Variants in PSAPL1 observed in about 807,000 individuals in gnomAD.
PSAPL1 encodes the protein proactivator polypeptide-like 1.
For synonymous variants in PSAPL1, 351 were observed against 291.6 expected (o/e 1.20, Z -2.08); for missense variants, 814 against 688.8 (o/e 1.18, Z -2.03).
rs1726939981 is a variant in PSAPL1 at position 7,432,505 on chromosome 4, T to A, written c.*809A>T. On this transcript the variant is annotated 3_prime_UTR_variant, in exon 1 of 1. Transcript: ENST00000319098. The stretch of plus-strand genomic sequence containing the variant: ...AGGGCTGTGTTCACCGTCTTTGCCC[T>A]CGCTGCTCCACATCCCGGTGGCCAC... 6.6e-6 allele frequency: 1 copy of A among 152,156 alleles called. No homozygotes were observed. Among genetic ancestry groups the A allele is most frequent in the Non-Finnish European group, 1.5e-5 (1 of 68,044 alleles). 9.4% of individuals were successfully genotyped at this position (152,156 alleles called of 1,614,324 possible).
In PSAPL1 at chr4:7,434,237, A is replaced by G. The variant is rs748861306; in HGVS notation, c.643T>C (p.Ser215Pro). Reference protein sequence around the residue: ...ADLNIQEQCESLGPGLAVLCK... With the variant: ...ADLNIQEQCEPLGPGLAVLCK... Reference sequence around the variant, plus strand: ...AGGACGGCCAGGCCAGGCCCCAAGGACTCACACTGCTCCTGGATGTTCAAG... The same window carrying G: ...AGGACGGCCAGGCCAGGCCCCAAGGGCTCACACTGCTCCTGGATGTTCAAG... The change falls in exon 1 of 1, where the codon TCC (serine) becomes CCC (proline). Residue 215 changes from serine to proline, a missense_variant. By Grantham distance (74) the Ser-to-Pro change is moderately conservative. Transcript: ENST00000319098. 3.8e-5 allele frequency: 61 copies of G among 1,613,418 alleles called. No individual in the cohort carries two copies. Among genetic ancestry groups the G allele is most frequent in the Non-Finnish European group, 4.7e-5 (56 of 1,179,898 alleles).
rs1173458447 is a variant in PSAPL1, at chr4:7,432,693, G to C, written c.*621C>G. The C allele has an allele frequency of 6.6e-6, 1 of 152,212 alleles. No homozygotes were observed. Among genetic ancestry groups the C allele is most frequent in the Non-Finnish European group, 1.5e-5 (1 of 68,180 alleles). 9.4% of individuals were successfully genotyped at this position (152,212 alleles called of 1,614,324 possible). The stretch of plus-strand genomic sequence containing the variant: ...CTGTAGTGGCTGAGACATGGGGGGG[G>C]ACTGCTCCGAAGCCCAGCAGCCCTT... On this transcript the variant is annotated 3_prime_UTR_variant, in exon 1 of 1. Transcript: ENST00000319098.
rs765798690 is a variant in PSAPL1, at chr4:7,433,815, G to T, written c.1065C>A (p.Thr355=). The T allele has an allele frequency of 6.2e-7, 1 of 1,613,778 alleles. No individual in the cohort carries two copies. The highest frequency in any genetic ancestry group is 8.5e-7 in the Non-Finnish European group (1 of 1,179,890). ...PSLVQLVAKI[T]PEKVCKFIRL... ...GGATGAACTTGCACACCTTCTCTGG[G>T]GTGATTTTGGCCACAAGCTGCACCA... The change falls in exon 1 of 1, where the codon ACC becomes ACA. Residue 355 remains threonine, a synonymous_variant. Coordinates refer to ENST00000319098, the MANE Select transcript of PSAPL1 (RefSeq NM_001085382.2).
rs747716104 is a variant in PSAPL1 at position 7,433,630 on chromosome 4, C to A, written c.1250G>T (p.Arg417Leu). 3 of 1,610,800 alleles carry A rather than the reference C, an allele frequency of 1.9e-6. 1 individual carries two copies. Among genetic ancestry groups the A allele is most frequent in the South Asian group, 2.2e-5 (2 of 90,578 alleles). The change falls in exon 1 of 1, where the codon CGA becomes CTA. Residue 417 changes from arginine (R) to leucine (L), a missense_variant. Coordinates refer to ENST00000319098, the MANE Select transcript of PSAPL1 (RefSeq NM_001085382.2). Reference protein sequence around the residue: ...SHNLESKSTKRDILVAFKGGC... With the variant: ...SHNLESKSTKLDILVAFKGGC... ...ACCCTTGAAGGCCACCAGGATGTCT[C>A]GCTTGGTGCTCTTGCTCTCCAAGTT...
Position 7,431,180 on chromosome 4 carries a change from G to A in PSAPL1, c.*2134C>T, listed in dbSNP as rs1389062036. On this transcript the variant is annotated 3_prime_UTR_variant, in exon 1 of 1. Coordinates refer to ENST00000319098, the MANE Select transcript of PSAPL1 (RefSeq NM_001085382.2). Reference sequence around the variant, plus strand: ...TGTGGGGTCATGGCCAGTGAGCTCCGTTCATCACGGGCAACCATCTAGTGG... The same window carrying A: ...TGTGGGGTCATGGCCAGTGAGCTCCATTCATCACGGGCAACCATCTAGTGG... 3.3e-5 allele frequency: 5 copies of A among 152,484 alleles called. No homozygotes were observed. The highest frequency in any genetic ancestry group is 9.7e-5 in the African/African-American group (4 of 41,450). The allele number at this position is 152,484 out of a possible 1,614,324, so 9.4% of individuals were successfully genotyped here.
chr4:7,434,397 A>G lies in PSAPL1; in HGVS notation c.483T>C (p.Ala161=). ...GCCCATTGGCCATGAACGGAGCCAC[A>G]GCCTCAAAGGTGTCCTCTTTGGAGA... The part of the protein sequence containing the change: ...RPLSKEDTFE[A]VAPFMANGPL... The change falls in exon 1 of 1, where the codon GCT becomes GCC. Residue 161 remains alanine, a synonymous_variant. Transcript: ENST00000319098. The G allele has an allele frequency of 6.2e-7, 1 of 1,607,668 alleles. No individual in the cohort carries two copies. The highest frequency in any genetic ancestry group is 8.5e-7 in the Non-Finnish European group (1 of 1,177,672).
At position 7,433,831 on chromosome 4, in the gene PSAPL1, A is replaced by G; in HGVS notation, c.1049T>C (p.Leu350Pro). Reference protein sequence around the residue: ...VDTYSPSLVQLVAKITPEKVC... With the variant: ...VDTYSPSLVQPVAKITPEKVC... ...CTTCTCTGGGGTGATTTTGGCCACA[A>G]GCTGCACCAAGGAGGGGCTGTAGGT... The change falls in exon 1 of 1, where the codon CTT becomes CCT. Residue 350 changes from leucine (L) to proline (P), a missense_variant. Transcript: ENST00000319098. 2 of 1,613,854 alleles carry G rather than the reference A, an allele frequency of 1.2e-6. No individual in the cohort carries two copies. Among genetic ancestry groups the G allele is most frequent in the Non-Finnish European group, 8.5e-7 (1 of 1,179,886 alleles).
the PSAPL1 span, chr4:7,434,069 CGT>C: frequency 6.2e-7 from 1 of 1,610,984 alleles, no homozygotes; most frequent in Non-Finnish European, 8.5e-7. Context: ...GAGGGGACCC[CGT>C]CCATGGCCAC....
rs1726766410 is a variant in PSAPL1 at position 7,430,508 on chromosome 4, G to A, written c.*2806C>T. On this transcript the variant is annotated 3_prime_UTR_variant, in exon 1 of 1. Coordinates refer to ENST00000319098, the MANE Select transcript of PSAPL1 (RefSeq NM_001085382.2). ...GGGGCAGCATCCATAGGTGTTCTGGGACGTCCCAGGCCTCCGCCTTACGAT... is the reference window on the plus strand; with the variant it reads ...GGGGCAGCATCCATAGGTGTTCTGGAACGTCCCAGGCCTCCGCCTTACGAT... 1 of 152,260 alleles carries A rather than the reference G, an allele frequency of 6.6e-6. No individual in the cohort carries two copies. The highest frequency in any genetic ancestry group is 6.5e-5 in the Admixed American group (1 of 15,288). The allele number at this position is 152,260 out of a possible 1,614,324, so 9.4% of individuals were successfully genotyped here. A position where few individuals can be genotyped will look rare whatever the true frequency, so the allele number is the denominator to read the frequency against.
In PSAPL1 at chr4:7,431,585, G is replaced by A. The variant is rs1482355406; in HGVS notation, c.*1729C>T. The A allele has an allele frequency of 1.3e-5, 2 of 152,238 alleles. No individual in the cohort carries two copies. Among genetic ancestry groups the A allele is most frequent in the African/African-American group, 2.4e-5 (1 of 41,472 alleles). The allele number at this position is 152,238 out of a possible 1,614,324, so 9.4% of individuals were successfully genotyped here. The stretch of plus-strand genomic sequence containing the variant: ...GAGGGTGGGTGGTCTCAGGGGAAGA[G>A]GCAGATACTGAGGCCAACAACTTCG... On this transcript the variant is annotated 3_prime_UTR_variant, in exon 1 of 1. Transcript: ENST00000319098.
rs1465918907 is a variant in PSAPL1 at position 7,434,374 on chromosome 4, C to G, written c.506G>C (p.Gly169Ala). Residue 169 changes from glycine (G) to alanine (A), a missense_variant, in exon 1 of 1, where the codon GGG becomes GCG. Coordinates refer to ENST00000319098, the MANE Select transcript of PSAPL1 (RefSeq NM_001085382.2). ...CTGGCGGGGGTGGAAGGTAAGGGGCCCATTGGCCATGAACGGAGCCACAGC... is the reference window on the plus strand; with the variant it reads ...CTGGCGGGGGTGGAAGGTAAGGGGCGCATTGGCCATGAACGGAGCCACAGC... The part of the protein sequence containing the change: ...FEAVAPFMAN[G>A]PLTFHPRQAP... 26 of 1,607,510 alleles carry G rather than the reference C, an allele frequency of 1.6e-5. No individual in the cohort carries two copies. The highest frequency in any genetic ancestry group is 2.2e-5 in the South Asian group (2 of 90,072).
At position 7,434,909 on chromosome 4, in the gene PSAPL1, A is replaced by G; in HGVS notation, c.-30T>C. The G allele has an allele frequency of 8.6e-6, 13 of 1,505,696 alleles. No individual in the cohort carries two copies. Among genetic ancestry groups the G allele is most frequent in the Non-Finnish European group, 9.8e-6 (11 of 1,127,782 alleles). The allele number at this position is 1,505,696 out of a possible 1,614,324, so 93.3% of individuals were successfully genotyped here. A position where few individuals can be genotyped will look rare whatever the true frequency, so the allele number is the denominator to read the frequency against. On this transcript the variant is annotated 5_prime_UTR_variant, in exon 1 of 1. Transcript: ENST00000319098. The stretch of plus-strand genomic sequence containing the variant: ...CCCAGGGACTCTCTGGCTCCAGAGT[A>G]CCCAGCAGTGGCTGCTGCTATAAAC...
chr4:7,431,763 C>A lies in PSAPL1; in HGVS notation c.*1551G>T, dbSNP rs1271859304. ...CCAATAGGGGCCACTTCTGAGGCAT[C>A]CAGAATCTCAGGCCCAGTGTGCCTG... On this transcript the variant is annotated 3_prime_UTR_variant, in exon 1 of 1. Coordinates refer to ENST00000319098, the MANE Select transcript of PSAPL1 (RefSeq NM_001085382.2). 1.3e-5 allele frequency: 2 copies of A among 152,210 alleles called. No homozygotes were observed. Among genetic ancestry groups the A allele is most frequent in the African/African-American group, 2.4e-5 (1 of 41,450 alleles). 9.4% of individuals were successfully genotyped at this position (152,210 alleles called of 1,614,324 possible).
chr4:7,433,515 G>A lies in PSAPL1; in HGVS notation c.1365C>T (p.Asp455=). ...YEPVLIESLK[D]MMDPVAVCKK... ...TGCACACAGCCACGGGGTCCATCATGTCCTTGAGACTCTCAATGAGCACGG... is the reference window on the plus strand; with the variant it reads ...TGCACACAGCCACGGGGTCCATCATATCCTTGAGACTCTCAATGAGCACGG... The change falls in exon 1 of 1, where the codon GAC becomes GAT. Residue 455 remains aspartate (D), a synonymous_variant. Transcript: ENST00000319098. 6.2e-7 allele frequency: 1 copy of A among 1,607,340 alleles called. No homozygotes were observed. Among genetic ancestry groups the A allele is most frequent in the Non-Finnish European group, 8.5e-7 (1 of 1,177,456 alleles).
rs2109228799 is a variant in PSAPL1 at position 7,432,305 on chromosome 4, C to A, written c.*1009G>T. ...TACAGCGCTTGCACCGCCAGACTCT[C>A]CTGGGTGCCCCGCTGGGCCCCTGAG... On this transcript the variant is annotated 3_prime_UTR_variant, in exon 1 of 1. Coordinates refer to ENST00000319098, the MANE Select transcript of PSAPL1 (RefSeq NM_001085382.2). 1 of 152,184 alleles carries A rather than the reference C, an allele frequency of 6.6e-6. No individual in the cohort carries two copies. The highest frequency in any genetic ancestry group is 2.1e-4 in the South Asian group (1 of 4,804). The allele number at this position is 152,184 out of a possible 1,614,324, so 9.4% of individuals were successfully genotyped here. A position where few individuals can be genotyped will look rare whatever the true frequency, so the allele number is the denominator to read the frequency against.
Position 7,434,715 on chromosome 4 carries a change from G to C in PSAPL1, c.165C>G (p.Asn55Lys). ...AGGGCAGAGACTTCGCGGTGGGTTTGTTCCATACGGCCCCTTGGCAGTACC... is the reference window on the plus strand; with the variant it reads ...AGGGCAGAGACTTCGCGGTGGGTTTCTTCCATACGGCCCCTTGGCAGTACC... ...AVGYCQGAVW[N>K]KPTAKSLPCD... is the part of the protein sequence containing the mutation. The change falls in exon 1 of 1, where the codon AAC becomes AAG. Residue 55 changes from asparagine (N) to lysine (K), a missense_variant. By Grantham distance (94) the Asn-to-Lys change is moderately conservative. Coordinates refer to ENST00000319098, the MANE Select transcript of PSAPL1 (RefSeq NM_001085382.2). 6.2e-7 allele frequency: 1 copy of C among 1,613,006 alleles called. No individual in the cohort carries two copies. Among genetic ancestry groups the C allele is most frequent in the Non-Finnish European group, 8.5e-7 (1 of 1,179,542 alleles).
In PSAPL1 at chr4:7,432,686, G is replaced by GGC. The variant is rs914612435; in HGVS notation, c.*627_*628insGC. 92 of 143,510 alleles carry GGC rather than the reference G, an allele frequency of 6.4e-4. No individual in the cohort carries two copies. The highest frequency in any genetic ancestry group is 2.6e-3 in the African/African-American group (87 of 33,454). The allele number at this position is 143,510 out of a possible 1,614,324, so 8.9% of individuals were successfully genotyped here. On this transcript the variant is annotated 3_prime_UTR_variant, in exon 1 of 1. Transcript: ENST00000319098. ...AGGGACCCTGTAGTGGCTGAGACAT[G>GGC]GGGGGGGACTGCTCCGAAGCCCAGC...
In PSAPL1 at chr4:7,432,079, G is replaced by A. The variant is rs563575576; in HGVS notation, c.*1235C>T. The A allele has an allele frequency of 1.3e-5, 2 of 152,468 alleles. No individual in the cohort carries two copies. Among genetic ancestry groups the A allele is most frequent in the African/African-American group, 2.4e-5 (1 of 41,430 alleles). The allele number at this position is 152,468 out of a possible 1,614,324, so 9.4% of individuals were successfully genotyped here. On this transcript the variant is annotated 3_prime_UTR_variant, in exon 1 of 1. Coordinates refer to ENST00000319098, the MANE Select transcript of PSAPL1 (RefSeq NM_001085382.2). ...CTGGAGGGGGCACAGTGTCTTAGGG[G>A]GGCCAAACAGCAGGAGCAGAAACCA...
rs1394165576 is a variant in PSAPL1 at position 7,430,752 on chromosome 4, T to A, written c.*2562A>T. ...TTCTAGGCCCAGTAGGGCCAGCTGC[T>A]CTTCTCCTGGGCTGGTATCTCCTCT... On this transcript the variant is annotated 3_prime_UTR_variant, in exon 1 of 1. Transcript: ENST00000319098. 6.6e-6 allele frequency: 1 copy of A among 152,312 alleles called. No individual in the cohort carries two copies. The highest frequency in any genetic ancestry group is 2.4e-5 in the African/African-American group (1 of 41,464). The allele number at this position is 152,312 out of a possible 1,614,324, so 9.4% of individuals were successfully genotyped here.
Sources: allele counts gnomAD v4.1 joint callset, GRCh38; gene constraint gnomAD v4.1.1; transcripts MANE v1.5; gene names NCBI Gene and HGNC (gene_info 2026-07-23, HGNC 2026-07-21).